Variants in THRB observed in about 807,000 individuals in gnomAD.
THRB encodes nuclear receptor subfamily 1 group A member 2.
Under a neutral mutation model 47.8 loss-of-function variants are expected in THRB, and 12 were observed. That is an observed-to-expected ratio of 0.25 (90% CI 0.16 to 0.41). The LOEUF (loss-of-function observed/expected upper bound fraction) is 0.41. Ranked by LOEUF, THRB falls within the 10% of genes least tolerant of loss-of-function variation. THRB has a pLI of 1.00. For missense variants in THRB, 348 were observed against 589.2 expected (o/e 0.59, Z 4.24); for synonymous variants, 218 against 212.2 (o/e 1.03, Z -0.24).
At chr3:24,203,151 G>T (rs538404333) in intron 4 of THRB, among the ~76,000 whole-genome samples, 1 of 152,352 alleles carries the variant, frequency 6.6e-6, no homozygotes, top group Admixed American at 6.5e-5. Context: ...AGTGGCTCAT[G>T]CCTGGAATCC....
chr3:24,264,888 C>A (rs1018488656), intron 3 of THRB, among the ~76,000 whole-genome samples: 1 of 151,926 alleles, frequency 6.6e-6, no homozygotes, highest in African/African-American at 2.4e-5. Context: ...GCCCCAGAAC[C>A]GTAGGTGGGT....
chr3:24,422,301 C>G (rs1360799951), intron 1 of THRB, among the ~76,000 whole-genome samples: 1 of 151,828 alleles, frequency 6.6e-6, no homozygotes, highest in Non-Finnish European at 1.5e-5. Flanking sequence ...GAGTAAAAGA[C>G]CCACTAAGAA....
chr3:24,358,670 C>T (rs1560013818), intron 1 of THRB, among the ~76,000 whole-genome samples: 1 of 151,942 alleles, frequency 6.6e-6, no homozygotes, highest in Non-Finnish European at 1.5e-5. Context: ...TGTAATTCCC[C>T]TTGATTTATA....
At chr3:24,392,428 T>C (rs1400298357) in intron 1 of THRB, among the ~76,000 whole-genome samples, 4 of 152,204 alleles carry the variant, frequency 2.6e-5, no homozygotes, top group Non-Finnish European at 5.9e-5. Flanking sequence ...CAATAAGCTA[T>C]TGTTAACTAT....
intron 5 of THRB, 52 bp from the exon 6 acceptor site, chr3:24,152,542 A>G: frequency 1.0e-6 from 1 of 993,230 alleles, no homozygotes; most frequent in Non-Finnish European, 1.6e-6. Context: ...TTAACGTCAA[A>G]GAGACACTAT....
At chr3:24,208,508 C>A (rs12236616) in intron 4 of THRB, among the ~76,000 whole-genome samples, 1 of 151,786 alleles carries the variant, frequency 6.6e-6, no homozygotes, top group African/African-American at 2.4e-5. Flanking sequence ...GAGATATAGA[C>A]CAATGGAACA....
chr3:24,455,249 T>C (rs998139557), intron 1 of THRB: 2 of 151,648 alleles, frequency 1.3e-5, no homozygotes, highest in Non-Finnish European at 2.9e-5. Context: ...TAAGCAGAGA[T>C]GGAAGCCTCC....
chr3:24,145,999 T>C (rs532074516), intron 7 of THRB, among the ~76,000 whole-genome samples: 1 of 152,294 alleles, frequency 6.6e-6, no homozygotes, highest in African/African-American at 2.4e-5. Flanking sequence ...TGTAAATCCC[T>C]CGCACAGTGT....
At chr3:24,422,877 A>G (rs967402454) in intron 1 of THRB, among the ~76,000 whole-genome samples, 10 of 151,870 alleles carry the variant, frequency 6.6e-5, no homozygotes, top group African/African-American at 2.4e-4. Flanking sequence ...CCTCCCTTTT[A>G]AATCTAGGGT....
chr3:24,202,581 T>C (rs1575823634), intron 4 of THRB, among the ~76,000 whole-genome samples: 1 of 152,198 alleles, frequency 6.6e-6, no homozygotes, highest in African/African-American at 2.4e-5. Context: ...ATCAATTTGT[T>C]TCTTAGCTGC....
chr3:24,166,040 C>T (rs1673181393), intron 5 of THRB, among the ~76,000 whole-genome samples: 1 of 152,150 alleles, frequency 6.6e-6, no homozygotes, highest in African/African-American at 2.4e-5. Context: ...GGTTTTCATA[C>T]TAGGATCCAA....
At chr3:24,290,343 A>C (rs2055794087) in intron 3 of THRB, among the ~76,000 whole-genome samples, 1 of 152,180 alleles carries the variant, frequency 6.6e-6, no homozygotes, top group African/African-American at 2.4e-5. Context: ...TTCTGCAAAC[A>C]ACGGAGAGGC....
At chr3:24,185,503 C>A (rs1447106731) in intron 5 of THRB, among the ~76,000 whole-genome samples, 1 of 152,188 alleles carries the variant, frequency 6.6e-6, no homozygotes, top group African/African-American at 2.4e-5. Context: ...GTAACTTGTT[C>A]TTAAAATTAT....
chr3:24,264,757 T>C (rs1211163195), intron 3 of THRB, among the ~76,000 whole-genome samples: 2 of 151,348 alleles, frequency 1.3e-5, no homozygotes. Flanking sequence ...TTCAAATATT[T>C]GACACTTAGA....
intron 5 of THRB, among the ~76,000 whole-genome samples, chr3:24,183,560 C>T (rs1381939379): frequency 6.6e-6 from 1 of 151,378 alleles, no homozygotes; most frequent in African/African-American, 2.4e-5. Flanking sequence ...TTTGTAGAGA[C>T]AGGGTTTCAT....
chr3:24,462,027 G>A (rs1434542298), intron 1 of THRB, among the ~76,000 whole-genome samples: 4 of 152,188 alleles, frequency 2.6e-5, no homozygotes, highest in South Asian at 2.1e-4. Flanking sequence ...GTACAATGAT[G>A]AGCACAGAAA....
At chr3:24,280,578 C>A (rs2054460657) in intron 3 of THRB, among the ~76,000 whole-genome samples, 1 of 152,214 alleles carries the variant, frequency 6.6e-6, no homozygotes, top group Non-Finnish European at 1.5e-5. Flanking sequence ...CAGAACAAAG[C>A]TGGACGGAGA....
chr3:24,255,955 GGT>G (rs970633735), intron 3 of THRB, among the ~76,000 whole-genome samples: 6 of 152,184 alleles, frequency 3.9e-5, no homozygotes, highest in Non-Finnish European at 8.8e-5. Context: ...GGTAACTGAA[GGT>G]GTCAACATGG....
rs189353440 is a variant in THRB at position 24,261,298 on chromosome 3, C to T, written c.-42-32297G>A. Among the ~76,000 whole-genome samples the T allele has an allele frequency of 1.9e-3, 282 of 152,072 alleles. 2 individuals are homozygous for T. Among genetic ancestry groups the T allele is most frequent in the African/African-American group, 5.9e-3 (245 of 41,472 alleles). ...CGGGCAGATCACGAGGGCAAGAGAT[C>T]GAGACCATTCTGGCCAACATGGTGA... is the stretch of plus-strand genomic sequence containing the variant. On this transcript the variant is annotated intron_variant, in intron 3 of 10. Coordinates refer to ENST00000646209, the MANE Select transcript of THRB (RefSeq NM_001354712.2).
Sources: allele counts gnomAD v4.1 joint callset (sites outside exome capture counted in the v4.1 genomes callset), GRCh38; gene constraint gnomAD v4.1.1; transcripts MANE v1.5; gene names NCBI Gene and HGNC (gene_info 2026-07-23, HGNC 2026-07-21).